PLCL1: variants seen among roughly 807,000 people sequenced by gnomAD.
PLCL1 encodes the protein inactive phospholipase C-like protein 1.
Under a neutral mutation model 84.4 loss-of-function variants are expected in PLCL1, and 41 were observed. The ratio of observed to expected loss-of-function variants is 0.49; its 90% confidence interval spans 0.38 to 0.63. PLCL1 has a LOEUF of 0.63. Ranked by LOEUF, PLCL1 falls within the 30% of genes least tolerant of loss-of-function variation. PLCL1 has a pLI of 0.00. For synonymous variants in PLCL1, 490 were observed against 488.3 expected (o/e 1.00, Z -0.05); for missense variants, 1,206 against 1,367.8 (o/e 0.88, Z 1.87).
At chr2:197,872,401 C>T (rs989475836) in intron 1 of PLCL1, among the ~76,000 whole-genome samples, 19 of 152,144 alleles carry the variant, frequency 1.2e-4, no homozygotes, top group Middle Eastern at 3.4e-3. Flanking sequence ...ATTTGTAATC[C>T]GTCTGTTTTC....
intron 1 of PLCL1, among the ~76,000 whole-genome samples, chr2:197,901,128 C>A (rs1197391164): frequency 6.6e-6 from 1 of 152,180 alleles, no homozygotes; most frequent in Non-Finnish European, 1.5e-5. Flanking sequence ...AAGTGTACCC[C>A]TTTCATGATA....
chr2:197,852,417 A>C (rs1029071067), intron 1 of PLCL1, among the ~76,000 whole-genome samples: 5 of 152,210 alleles, frequency 3.3e-5, no homozygotes, highest in African/African-American at 7.2e-5. Context: ...CTTGTAAAAA[A>C]ATCTCTATGC....
chr2:198,065,969 T>C (rs1692312723), intron 1 of PLCL1, among the ~76,000 whole-genome samples: 2 of 152,160 alleles, frequency 1.3e-5, no homozygotes, highest in Non-Finnish European at 2.9e-5. Context: ...ATATTAGTAA[T>C]CGTGTCAAAT....
chr2:198,047,284 A>G (rs1329365879), intron 1 of PLCL1, among the ~76,000 whole-genome samples: 2 of 152,012 alleles, frequency 1.3e-5, no homozygotes, highest in African/African-American at 4.8e-5. Context: ...CCTAGGTTCA[A>G]GTGAATCTCC....
chr2:197,852,111 G>A (rs184730464), intron 1 of PLCL1, among the ~76,000 whole-genome samples: 4 of 152,302 alleles, frequency 2.6e-5, no homozygotes, highest in East Asian at 1.9e-4. Context: ...TTGATGTACC[G>A]GGTGGTGATA....
chr2:198,086,495 C>T (rs143540088), intron 2 of PLCL1, among the ~76,000 whole-genome samples: 8 of 152,132 alleles, frequency 5.3e-5, no homozygotes, highest in Non-Finnish European at 7.4e-5. Flanking sequence ...GTGGCGAGCA[C>T]GTGTAGTCCC....
chr2:198,010,703 C>T (rs1270066061), intron 1 of PLCL1, among the ~76,000 whole-genome samples: 1 of 151,366 alleles, frequency 6.6e-6, no homozygotes, highest in Non-Finnish European at 1.5e-5. Context: ...ATTTTTTTGG[C>T]AGAATTTGAG....
intron 1 of PLCL1, among the ~76,000 whole-genome samples, chr2:197,916,939 A>G (rs1349385619): frequency 6.6e-6 from 1 of 152,206 alleles, no homozygotes; most frequent in Non-Finnish European, 1.5e-5. Context: ...AGAATTGCAA[A>G]TTAAACAACA....
chr2:197,983,320 C>T (rs1690157264), intron 1 of PLCL1, among the ~76,000 whole-genome samples: 1 of 144,700 alleles, frequency 6.9e-6, no homozygotes, highest in Admixed American at 7.2e-5. Context: ...GCCTCAACCT[C>T]CTGGGCTCAA....
intron 1 of PLCL1, among the ~76,000 whole-genome samples, chr2:197,935,167 A>G (rs1470744826): frequency 6.6e-6 from 1 of 152,194 alleles, no homozygotes; most frequent in African/African-American, 2.4e-5. Context: ...AAAAGAGAAC[A>G]CTTATACACT....
chr2:197,819,262 C>T (rs1327826535), intron 1 of PLCL1, among the ~76,000 whole-genome samples: 1 of 152,072 alleles, frequency 6.6e-6, no homozygotes, highest in Non-Finnish European at 1.5e-5. Flanking sequence ...GACCCACCCC[C>T]AGCCCTAGCC....
chr2:197,886,489 G>A (rs1354067494), intron 1 of PLCL1, among the ~76,000 whole-genome samples: 1 of 149,042 alleles, frequency 6.7e-6, no homozygotes, highest in African/African-American at 2.5e-5. Flanking sequence ...CAGTTCCTGG[G>A]GGCAAGGCCT....
chr2:197,813,085 A>T (rs550230521), intron 1 of PLCL1, among the ~76,000 whole-genome samples: 1 of 152,256 alleles, frequency 6.6e-6, no homozygotes, highest in South Asian at 2.1e-4. Flanking sequence ...CATGGTCAGC[A>T]GGGGGAGAGT....
In PLCL1 at chr2:197,850,875, A is replaced by G. The variant is rs949284908; in HGVS notation, c.240+45536A>G. 7.9e-5 allele frequency among the ~76,000 whole-genome samples: 12 copies of G among 152,324 alleles called. No individual in the cohort carries two copies. In the East Asian group the frequency reaches 2.3e-3, roughly 29 times the overall value. ...CTACCATAAATCCTCTCTCCAGGAG[A>G]GTTTCATGGCCATGAAGAAGACAGA... On this transcript the variant is annotated intron_variant, in intron 1 of 5. Transcript: ENST00000428675.
intron 1 of PLCL1, among the ~76,000 whole-genome samples, chr2:197,825,374 A>T (rs533013034): frequency 6.6e-6 from 1 of 152,308 alleles, no homozygotes; most frequent in East Asian, 1.9e-4. Context: ...AGGCATAGGC[A>T]GTATTCTTTT....
chr2:197,854,328 C>A (rs938088141), intron 1 of PLCL1, among the ~76,000 whole-genome samples: 1 of 152,308 alleles, frequency 6.6e-6, no homozygotes, highest in East Asian at 1.9e-4. Flanking sequence ...AAACATAAAT[C>A]TAAACATATA....
At chr2:198,014,936 C>T (rs1690961049) in intron 1 of PLCL1, among the ~76,000 whole-genome samples, 1 of 152,082 alleles carries the variant, frequency 6.6e-6, no homozygotes, top group South Asian at 2.1e-4. Context: ...TTTTGAGCCT[C>T]ATGCAATTTT....
chr2:197,981,369 G>A (rs986476950), intron 1 of PLCL1, among the ~76,000 whole-genome samples: 4 of 152,184 alleles, frequency 2.6e-5, no homozygotes, highest in Admixed American at 2.0e-4. Context: ...AGTTAGGAAA[G>A]AGCAAAATCA....
In PLCL1 at chr2:197,810,063, G is replaced by A. The variant is rs115001504; in HGVS notation, c.240+4724G>A. On this transcript the variant is annotated intron_variant, in intron 1 of 5. Transcript: ENST00000428675. ...GGAGCTGGCCAGCCTTTACTTTACC[G>A]TAAGGGTTGCTGAGAGTGTGCCCTG... 5.6e-3 allele frequency among the ~76,000 whole-genome samples: 852 copies of A among 152,126 alleles called. 5 individuals are homozygous for A. Among genetic ancestry groups the A allele is most frequent in the African/African-American group, 0.02 (815 of 41,500 alleles).
Sources: allele counts gnomAD v4.1 joint callset (sites outside exome capture counted in the v4.1 genomes callset), GRCh38; gene constraint gnomAD v4.1.1; transcripts MANE v1.5; gene names NCBI Gene and HGNC (gene_info 2026-07-23, HGNC 2026-07-21).